The following STARD13 variants were observed in gnomAD, a reference collection of about 807,000 sequenced individuals.
STARD13 encodes StAR related lipid transfer domain containing 13, also known as stAR-related lipid transfer protein 13.
STARD13 carries 62 observed loss-of-function variants against 106.4 expected under a neutral mutation model. The observed-to-expected ratio is 0.58, with a 90% CI of 0.48 to 0.72. STARD13 has a LOEUF of 0.72. Among genes scored for constraint, STARD13 ranks in the 30% least tolerant of loss-of-function variants. The pLI is 0.00. For synonymous variants in STARD13, 565 were observed against 553.0 expected (o/e 1.02, Z -0.31); for missense variants, 1,387 against 1,424.0 (o/e 0.97, Z 0.42).
chr13:33,185,929 CAG>C, intron 1 of STARD13: 1 of 1,614,256 alleles, frequency 6.2e-7, no homozygotes, highest in Non-Finnish European at 8.5e-7. Flanking sequence ...CCACCACAGA[CAG>C]TGTCTTTGCA....
intron 1 of STARD13, among the ~76,000 whole-genome samples, chr13:33,193,948 A>AT (rs552853775): frequency 0.012 from 1,880 of 151,946 alleles, 15 homozygotes; most frequent in Non-Finnish European, 0.019. Flanking sequence ...AGGATTATGC[A>AT]TTTTTTTTCT....
At chr13:33,424,934 T>C in the STARD13 span, among the ~76,000 whole-genome samples, 25 of 152,338 alleles carry the variant, frequency 1.6e-4, no homozygotes, top group Non-Finnish European at 2.2e-4. Flanking sequence ...CTTCCACAAT[T>C]AAAAGATGAC....
the STARD13 span, among the ~76,000 whole-genome samples, chr13:33,371,839 C>A: frequency 0.01 from 1,567 of 152,280 alleles, 40 homozygotes; most frequent in African/African-American, 0.036. Flanking sequence ...TACCATATTT[C>A]TTCTATTTCA....
the STARD13 span, among the ~76,000 whole-genome samples, chr13:33,505,366 G>A: frequency 2.0e-5 from 3 of 151,974 alleles, no homozygotes; most frequent in Admixed American, 6.6e-5. Context: ...AATACAATAA[G>A]TAATTAAAAA....
chr13:33,447,662 A>G, the STARD13 span, among the ~76,000 whole-genome samples: 1 of 152,222 alleles, frequency 6.6e-6, no homozygotes, highest in East Asian at 1.9e-4. Context: ...AGGATTGAAA[A>G]TTAATGATTA....
intron 1 of STARD13, among the ~76,000 whole-genome samples, chr13:33,180,087 T>C (rs766651225): frequency 3.3e-5 from 5 of 152,262 alleles, no homozygotes; most frequent in Non-Finnish European, 7.3e-5. Context: ...TGTTTCATGA[T>C]ACTCTTTCTG....
At chr13:33,567,497 C>T in the STARD13 span, among the ~76,000 whole-genome samples, 2 of 148,208 alleles carry the variant, frequency 1.3e-5, no homozygotes, top group African/African-American at 5.0e-5. Context: ...GCCAAACGTA[C>T]ACATTTATAA....
chr13:33,556,929 T>A, the STARD13 span, among the ~76,000 whole-genome samples: 20 of 152,266 alleles, frequency 1.3e-4, no homozygotes, highest in Admixed American at 9.8e-4. Flanking sequence ...AATTTTTGTA[T>A]TTTTTGTAGA....
chr13:33,511,035 T>TTTAA, the STARD13 span, among the ~76,000 whole-genome samples: 2 of 152,080 alleles, frequency 1.3e-5, no homozygotes. Flanking sequence ...GTTGGCCAGA[T>TTTAA]GCAGTGGCTC....
At chr13:33,521,093 G>A in the STARD13 span, among the ~76,000 whole-genome samples, 3 of 152,074 alleles carry the variant, frequency 2.0e-5, no homozygotes, top group South Asian at 2.1e-4. Context: ...GGAACGACTC[G>A]AGCTGGGAGA....
chr13:33,142,323 A>T lies in STARD13; in HGVS notation c.374T>A (p.Phe125Tyr). 6.2e-7 allele frequency: 1 copy of T among 1,613,992 alleles called. No individual in the cohort carries two copies. Among genetic ancestry groups the T allele is most frequent in the Non-Finnish European group, 8.5e-7 (1 of 1,179,962 alleles). ...KCASMKLDVNFQRKKGDDSDE... is the reference protein window; with the variant it reads ...KCASMKLDVNYQRKKGDDSDE... ...GTGGGCACCTACCTTTTTCCTTTGG[A>T]AGTTCACATCAAGTTTCATTGAGGC... Residue 125 changes from phenylalanine to tyrosine, a missense_variant, in exon 4 of 14, where the codon TTC becomes TAC. Coordinates refer to ENST00000336934, the MANE Select transcript of STARD13 (RefSeq NM_178006.4).
chr13:33,174,163 T>G (rs1353815171), intron 1 of STARD13, among the ~76,000 whole-genome samples: 1 of 152,146 alleles, frequency 6.6e-6, no homozygotes, highest in Non-Finnish European at 1.5e-5. Flanking sequence ...TAATCAGTCT[T>G]TTTCAGCCTG....
intron 7 of STARD13, 58 bp downstream of exon 7, chr13:33,126,023 T>C: frequency 5.0e-6 from 8 of 1,587,424 alleles, no homozygotes; most frequent in Non-Finnish European, 6.9e-6. Context: ...TGACATCCCC[T>C]CAATCCAATC....
At chr13:33,286,710 A>T (rs76473022), upstream of STARD13, among the ~76,000 whole-genome samples, 3,052 of 152,222 alleles carry the variant, frequency 0.02, 111 homozygotes, top group African/African-American at 0.069. Flanking sequence ...TAGGCTTTTT[A>T]AAATGGGGGG....
chr13:33,283,465 C>T (rs1439586225), intron 1 of STARD13, among the ~76,000 whole-genome samples: 13 of 152,180 alleles, frequency 8.5e-5, no homozygotes, highest in Admixed American at 8.5e-4. Flanking sequence ...TTTTGGTATG[C>T]TGTAACTGTT....
the STARD13 span, among the ~76,000 whole-genome samples, chr13:33,554,578 G>A: frequency 2.0e-5 from 3 of 152,158 alleles, no homozygotes; most frequent in Non-Finnish European, 2.9e-5. Flanking sequence ...CTATTATTAT[G>A]CTAAGGCCTG....
the STARD13 span, among the ~76,000 whole-genome samples, chr13:33,536,869 G>C: frequency 6.6e-6 from 1 of 152,156 alleles, no homozygotes; most frequent in African/African-American, 2.4e-5. Context: ...GTTCCATTTT[G>C]TCATACAGTC....
chr13:33,666,286 T>G, the STARD13 span, among the ~76,000 whole-genome samples: 1 of 151,198 alleles, frequency 6.6e-6, no homozygotes, highest in Middle Eastern at 3.5e-3. Context: ...TGGAAATAAT[T>G]TTTTTTGTTG....
intron 1 of STARD13, among the ~76,000 whole-genome samples, chr13:33,256,351 G>A (rs1478658205): frequency 1.3e-5 from 2 of 152,226 alleles, no homozygotes; most frequent in African/African-American, 4.8e-5. Flanking sequence ...CAGCCCTACA[G>A]TCAGCAGTGT....
Sources: allele counts gnomAD v4.1 joint callset (sites outside exome capture counted in the v4.1 genomes callset), GRCh38; gene constraint gnomAD v4.1.1; transcripts MANE v1.5; gene names NCBI Gene and HGNC (gene_info 2026-07-23, HGNC 2026-07-21).